Variants in NPC1 observed in about 807,000 individuals in gnomAD.
NPC1 encodes Niemann-Pick C1 protein.
In NPC1, 85 loss-of-function variants were observed where a neutral mutation model predicts 140.4. The observed-to-expected ratio is 0.61, with a 90% CI of 0.51 to 0.72. The LOEUF (loss-of-function observed/expected upper bound fraction) is 0.72, where lower values mean the gene tolerates loss of function less well. Ranked by LOEUF, NPC1 falls within the 30% of genes least tolerant of loss-of-function variation. The probability of loss-of-function intolerance (pLI) is 0.00; values close to 1 mark genes in which losing one functional copy is unlikely to be tolerated. For missense variants in NPC1, 1,504 were observed against 1,623.8 expected (o/e 0.93, Z 1.27); for synonymous variants, 656 against 624.8 (o/e 1.05, Z -0.74).
rs1312265779 is a variant in NPC1 at position 23,532,267 on chromosome 18, C to CT, written c.3771dup (p.Ala1258SerfsTer7). The CT allele has an allele frequency of 6.2e-7, 1 of 1,614,010 alleles. No individual in the cohort carries two copies. The highest frequency in any genetic ancestry group is 8.5e-7 in the Non-Finnish European group (1 of 1,180,032). The stretch of plus-strand genomic sequence containing the variant: ...CGCTCTTCAGTGGCACAACTTTTGG[C>CT]TTTATTTACTGATGGCCCTATGAGA... On this transcript the variant is annotated frameshift_variant, in exon 25 of 25. Transcript: ENST00000269228. LOFTEE classifies it high-confidence loss of function.
chr18:23,524,538 C>A, downstream of NPC1: 2 of 1,570,632 alleles, frequency 1.3e-6, no homozygotes, highest in South Asian at 1.1e-5. Context: ...GACTTTGGAT[C>A]CCAGTTGTAG....
downstream of NPC1, among the ~76,000 whole-genome samples, chr18:23,520,503 A>G (rs1248954894): frequency 1.3e-5 from 2 of 152,220 alleles, no homozygotes; most frequent in Non-Finnish European, 2.9e-5. Flanking sequence ...TGAGTCACCC[A>G]GGCTGGTAGG....
intron 3 of NPC1, among the ~76,000 whole-genome samples, chr18:23,516,700 A>G (rs2058014929): frequency 1.3e-5 from 2 of 149,564 alleles, no homozygotes; most frequent in African/African-American, 4.9e-5. Flanking sequence ...TTTATTTCTT[A>G]GTATCTTTGT....
rs760323508 is a variant in NPC1 at position 23,544,500 on chromosome 18, G to A, written c.1974C>T (p.Ile658=). 6 of 1,614,046 alleles carry A rather than the reference G, an allele frequency of 3.7e-6. No individual in the cohort carries two copies. Among genetic ancestry groups the A allele is most frequent in the South Asian group, 2.2e-5 (2 of 91,080 alleles). ...LLVDSKVSLG[I]AGILIVLSSV... Reference sequence around the variant, plus strand: ...AGCTCAGCACGATCAAGATGCCCGCGATGCCTAGTGAGACCTTCGAATCCA... The same window carrying A: ...AGCTCAGCACGATCAAGATGCCCGCAATGCCTAGTGAGACCTTCGAATCCA... Residue 658 remains isoleucine (I), a synonymous_variant, in exon 13 of 25, where the codon ATC becomes ATT. Coordinates refer to ENST00000269228, the MANE Select transcript of NPC1 (RefSeq NM_000271.5).
chr18:23,530,269 C>T (rs2058450871), downstream of NPC1: 1 of 1,614,218 alleles, frequency 6.2e-7, no homozygotes, highest in South Asian at 1.1e-5. Context: ...TATCCTCCTG[C>T]TCATCAGCTA....
At position 23,545,166 on chromosome 18, in the gene NPC1, A is replaced by T. The variant is rs1444886499; in HGVS notation, c.1758-17T>A. On this transcript the variant is annotated splice_polypyrimidine_tract_variant and intron_variant, in intron 11 of 24. Coordinates refer to ENST00000269228, the MANE Select transcript of NPC1 (RefSeq NM_000271.5). The stretch of plus-strand genomic sequence containing the variant: ...TTAATAAACCTAAAAGGTAAGCAAA[A>T]TGTTATATTTTTAGTTAAACTAACT... The T allele has an allele frequency of 5.1e-6, 8 of 1,567,030 alleles. No individual in the cohort carries two copies. Among genetic ancestry groups the T allele is most frequent in the Non-Finnish European group, 7.0e-6 (8 of 1,137,284 alleles).
intron 10 of NPC1, among the ~76,000 whole-genome samples, chr18:23,550,536 C>T (rs868121560): frequency 2.2e-4 from 28 of 129,098 alleles, no homozygotes; most frequent in South Asian, 9.9e-4. Flanking sequence ...GGCTGGAGTG[C>T]AGTGACTTGA....
chr18:23,540,134 T>C (rs777103703), intron 17 of NPC1, 133 bp from the exon 18 acceptor site: 20 of 783,708 alleles, frequency 2.6e-5, no homozygotes, highest in Non-Finnish European at 4.3e-5. Flanking sequence ...TCATGATTCC[T>C]AACACCACCA....
chr18:23,534,339 A>C (rs1037983016), intron 23 of NPC1, 107 bp downstream of exon 23: 24 of 794,908 alleles, frequency 3.0e-5, no homozygotes, highest in Non-Finnish European at 4.1e-5. Flanking sequence ...GAAAGCTTGC[A>C]ATCCTTAGAA....
At chr18:23,530,672 T>C, downstream of NPC1, 1 of 1,511,984 alleles carries the variant, frequency 6.6e-7, no homozygotes, top group Non-Finnish European at 9.0e-7. Context: ...CAGAGGGCAC[T>C]GGCAGCTGGT....
At position 23,516,366 on chromosome 18, in the gene NPC1, C is replaced by G. The variant is rs146281079; in HGVS notation, c.432-9724G>C. On this transcript the variant is annotated intron_variant, in intron 3 of 3. Transcript: ENST00000591107. ...CCCAAATTTGAGATTGAATTACCAGCTGCGCCTAAGTCAACTAAACCCAGC... is the reference window on the plus strand; with the variant it reads ...CCCAAATTTGAGATTGAATTACCAGGTGCGCCTAAGTCAACTAAACCCAGC... 5,099 of 1,614,234 alleles carry G rather than the reference C, an allele frequency of 3.2e-3. 20 individuals carry two copies. The highest frequency in any genetic ancestry group is 7.0e-3 in the South Asian group (640 of 91,084).
At chr18:23,529,922 C>CA, downstream of NPC1, 1 of 1,159,558 alleles carries the variant, frequency 8.6e-7, no homozygotes, top group Non-Finnish European at 1.2e-6. Flanking sequence ...CTTGTAATGA[C>CA]AGACTTTTAC....
intron 7 of NPC1, 80 bp from the exon 8 acceptor site, chr18:23,556,693 T>C: frequency 6.3e-7 from 1 of 1,577,718 alleles, no homozygotes; most frequent in South Asian, 1.2e-5. Context: ...AAAGCATTAG[T>C]TGCTATCTCA....
intron 1 of NPC1, among the ~76,000 whole-genome samples, chr18:23,581,584 A>G (rs1331139739): frequency 6.6e-6 from 1 of 152,162 alleles, no homozygotes; most frequent in African/African-American, 2.4e-5. Flanking sequence ...ATGTGATAGC[A>G]ATGGAGTACT....
intron 10 of NPC1, among the ~76,000 whole-genome samples, chr18:23,549,071 G>A (rs894835969): frequency 6.6e-6 from 1 of 152,078 alleles, no homozygotes; most frequent in African/African-American, 2.4e-5. Flanking sequence ...TTATAGGCAT[G>A]AGCCACTGCA....
intron 2 of NPC1, 124 bp downstream of exon 2, chr18:23,573,328 G>T: frequency 7.4e-7 from 1 of 1,354,542 alleles, no homozygotes; most frequent in African/African-American, 1.4e-5. Context: ...TTGAGAGTCC[G>T]GGATAAGACT....
intron 6 of NPC1, among the ~76,000 whole-genome samples, chr18:23,558,187 G>A (rs1159458533): frequency 2.0e-5 from 3 of 152,194 alleles, no homozygotes; most frequent in Non-Finnish European, 4.4e-5. Flanking sequence ...GCTAAAATCA[G>A]TGGTTGAGTT....
chr18:23,532,525 C>T (rs2058546233), intron 24 of NPC1, among the ~76,000 whole-genome samples: 1 of 152,146 alleles, frequency 6.6e-6, no homozygotes. Context: ...CCTAAGCCCA[C>T]CCTTCTGGGC....
chr18:23,533,215 A>T (rs2058566803), intron 24 of NPC1, 140 bp downstream of exon 24: 5 of 980,090 alleles, frequency 5.1e-6, no homozygotes, highest in East Asian at 2.6e-5. Context: ...TTTAGAAGAA[A>T]TTTTTTTACT....
Sources: allele counts gnomAD v4.1 joint callset (sites outside exome capture counted in the v4.1 genomes callset), GRCh38; gene constraint gnomAD v4.1.1; transcripts MANE v1.5; gene names NCBI Gene and HGNC (gene_info 2026-07-23, HGNC 2026-07-21).